Variants in NEK11 observed in about 807,000 individuals in gnomAD.
The protein encoded by NEK11 is NIMA related kinase 11.
NEK11 carries 72 observed loss-of-function variants against 80.7 expected under a neutral mutation model. That is an observed-to-expected ratio of 0.89 (90% CI 0.74 to 1.08). NEK11 has a LOEUF of 1.08. NEK11 is among the 50% of genes least tolerant of loss of function. The pLI is 0.00. For synonymous variants in NEK11, 251 were observed against 260.7 expected (o/e 0.96, Z 0.36); for missense variants, 764 against 763.6 (o/e 1.00, Z -0.01).
chr3:131,065,159 G>T, intron 3 of NEK11, among the ~76,000 whole-genome samples: 1 of 152,190 alleles, frequency 6.6e-6, no homozygotes, highest in East Asian at 1.9e-4. Flanking sequence ...TGGTCTTAAA[G>T]TCAGACCTCC....
chr3:131,338,711 A>G (rs2097236791), intron 17 of NEK11, among the ~76,000 whole-genome samples: 2 of 152,234 alleles, frequency 1.3e-5, no homozygotes, highest in Admixed American at 6.5e-5. Context: ...AATCTCAAAG[A>G]TGCTATGTTA....
chr3:131,279,533 A>T (rs1439188382), intron 17 of NEK11, among the ~76,000 whole-genome samples: 2 of 152,194 alleles, frequency 1.3e-5, no homozygotes, highest in African/African-American at 4.8e-5. Flanking sequence ...TATAATTATC[A>T]GCACAATCAA....
At chr3:131,151,080 C>G (rs1007422133) in intron 7 of NEK11, among the ~76,000 whole-genome samples, 3 of 151,996 alleles carry the variant, frequency 2.0e-5, no homozygotes, top group Admixed American at 2.0e-4. Flanking sequence ...ATTTCATGCA[C>G]TTTCTTCTAA....
intron 3 of NEK11, among the ~76,000 whole-genome samples, chr3:131,030,363 A>G (rs2064639377): frequency 6.6e-6 from 1 of 152,228 alleles, no homozygotes; most frequent in South Asian, 2.1e-4. Flanking sequence ...GCAGGTGAAT[A>G]AAGTATCCAA....
At chr3:131,170,949 G>A (rs1225940260) in intron 14 of NEK11, 62 bp downstream of exon 14, 15 of 1,207,026 alleles carry the variant, frequency 1.2e-5, no homozygotes, top group South Asian at 2.4e-5. Context: ...TGCTGTGGCC[G>A]ACTTTGCAGT....
intron 17 of NEK11, among the ~76,000 whole-genome samples, chr3:131,307,559 T>G (rs994725954): frequency 6.6e-6 from 1 of 152,174 alleles, no homozygotes; most frequent in Non-Finnish European, 1.5e-5. Flanking sequence ...CAAAGTAATA[T>G]CTATAGAAAG....
intron 17 of NEK11, among the ~76,000 whole-genome samples, chr3:131,310,667 C>G (rs1215728039): frequency 1.3e-5 from 2 of 152,054 alleles, no homozygotes; most frequent in Non-Finnish European, 2.9e-5. Flanking sequence ...GTGTCAGCTG[C>G]AGGGAGATGT....
chr3:131,291,046 T>C (rs1322456160), intron 17 of NEK11, among the ~76,000 whole-genome samples: 1 of 152,190 alleles, frequency 6.6e-6, no homozygotes, highest in African/African-American at 2.4e-5. Flanking sequence ...CACTATAGTA[T>C]CATACAGAAT....
intron 17 of NEK11, among the ~76,000 whole-genome samples, chr3:131,285,244 C>T (rs2096456308): frequency 6.6e-6 from 1 of 152,270 alleles, no homozygotes; most frequent in South Asian, 2.1e-4. Flanking sequence ...ATGGCCAGCT[C>T]TCTGGATCCA....
intron 17 of NEK11, among the ~76,000 whole-genome samples, chr3:131,289,611 G>A (rs1481918724): frequency 6.6e-6 from 1 of 152,090 alleles, no homozygotes; most frequent in Non-Finnish European, 1.5e-5. Context: ...TTTTTGCTTA[G>A]TGTCACCTGT....
At chr3:131,041,449 C>CTGTTG (rs1488987358) in intron 3 of NEK11, among the ~76,000 whole-genome samples, 1 of 152,196 alleles carries the variant, frequency 6.6e-6, no homozygotes, top group South Asian at 2.1e-4. Flanking sequence ...TAGATAATTT[C>CTGTTG]CCACAGATAA....
intron 17 of NEK11, among the ~76,000 whole-genome samples, chr3:131,323,285 C>CA (rs1260576592): frequency 6.6e-6 from 1 of 152,238 alleles, no homozygotes; most frequent in African/African-American, 2.4e-5. Flanking sequence ...CTCACCACAG[C>CA]AGGTGCTAAA....
chr3:131,112,493 T>C (rs2080297600), intron 5 of NEK11, among the ~76,000 whole-genome samples: 1 of 152,124 alleles, frequency 6.6e-6, no homozygotes, highest in South Asian at 2.1e-4. Flanking sequence ...GGATAGAGGA[T>C]TACAAGAGTG....
chr3:131,182,083 C>A (rs1426759024), intron 14 of NEK11, among the ~76,000 whole-genome samples: 3 of 150,820 alleles, frequency 2.0e-5, no homozygotes, highest in Non-Finnish European at 2.9e-5. Context: ...AGTGAGAGAT[C>A]CCCTAGAATC....
At chr3:131,098,647 C>T (rs1380679518) in intron 4 of NEK11, among the ~76,000 whole-genome samples, 1 of 151,090 alleles carries the variant, frequency 6.6e-6, no homozygotes, top group Non-Finnish European at 1.5e-5. Context: ...GCAATCTCCG[C>T]TCACTGAAAC....
intron 5 of NEK11, among the ~76,000 whole-genome samples, chr3:131,116,545 C>T (rs548488298): frequency 0.015 from 2,347 of 152,244 alleles, 64 homozygotes; most frequent in African/African-American, 0.053. Context: ...CTTGAGGAAT[C>T]GCCACACTGT....
intron 16 of NEK11, among the ~76,000 whole-genome samples, chr3:131,266,639 T>G (rs1291896572): frequency 6.6e-6 from 1 of 152,210 alleles, no homozygotes; most frequent in Non-Finnish European, 1.5e-5. Context: ...TGTGGTCAAT[T>G]TTAGAATAAG....
chr3:131,121,651 G>A (rs2082398698), intron 5 of NEK11, among the ~76,000 whole-genome samples: 1 of 152,166 alleles, frequency 6.6e-6, no homozygotes, highest in African/African-American at 2.4e-5. Flanking sequence ...GAGCTTCCAG[G>A]CCACTTTGTT....
intron 17 of NEK11, among the ~76,000 whole-genome samples, chr3:131,319,749 GA>G (rs2096879020): frequency 1.3e-5 from 2 of 152,078 alleles, no homozygotes; most frequent in African/African-American, 4.8e-5. Flanking sequence ...CTCCTTCAAG[GA>G]CACATACATT....
Sources: allele counts gnomAD v4.1 joint callset (sites outside exome capture counted in the v4.1 genomes callset), GRCh38; gene constraint gnomAD v4.1.1; transcripts MANE v1.5; gene names NCBI Gene and HGNC (gene_info 2026-07-23, HGNC 2026-07-21).